Variants in PAIP1 observed in about 807,000 individuals in gnomAD.
PAIP1 encodes the protein poly(A) binding protein interacting protein 1, also known as polyadenylate-binding protein-interacting protein 1.
Under a neutral mutation model 61.3 loss-of-function variants are expected in PAIP1, and 16 were observed. The ratio of observed to expected loss-of-function variants is 0.26; its 90% confidence interval spans 0.18 to 0.40. The LOEUF (loss-of-function observed/expected upper bound fraction) is 0.40, where lower values mean the gene tolerates loss of function less well. Ranked by LOEUF, PAIP1 falls within the 10% of genes least tolerant of loss-of-function variation. PAIP1 has a pLI of 1.00. For missense variants in PAIP1, 416 were observed against 600.9 expected (o/e 0.69, Z 3.22); for synonymous variants, 187 against 226.2 (o/e 0.83, Z 1.56).
In PAIP1 at chr5:43,556,825, C is replaced by T. The variant is rs1048625328; in HGVS notation, c.22G>A (p.Ala8Thr). The T allele has an allele frequency of 2.5e-5, 37 of 1,452,930 alleles. No individual in the cohort carries two copies. Among genetic ancestry groups the T allele is most frequent in the Non-Finnish European group, 3.1e-5 (34 of 1,105,130 alleles). The allele number at this position is 1,452,930 out of a possible 1,614,324, so 90.0% of individuals were successfully genotyped here. A position where few individuals can be genotyped will look rare whatever the true frequency, so the allele number is the denominator to read the frequency against. Reference protein sequence around the residue: MSDGFDRAPGAGRGRSRG... With the variant: MSDGFDRTPGAGRGRSRG... ...CTCCGGCCCCGACCAGCACCTGGGGCCCGATCGAAACCGTCCGACATGCTC... is the reference window on the plus strand; with the variant it reads ...CTCCGGCCCCGACCAGCACCTGGGGTCCGATCGAAACCGTCCGACATGCTC... The change falls in exon 1 of 11, where the codon GCC (alanine) becomes ACC (threonine). Residue 8 changes from alanine (A) to threonine (T), a missense_variant. Transcript: ENST00000306846.
intron 5 of PAIP1, among the ~76,000 whole-genome samples, chr5:43,538,529 T>A (rs1747249342): frequency 6.6e-6 from 1 of 152,184 alleles, no homozygotes; most frequent in Non-Finnish European, 1.5e-5. Context: ...GACTCTAGTC[T>A]CTCTTTTCAC....
Position 43,547,727 on chromosome 5 carries a change from C to T in PAIP1, c.621+1G>A. 6.3e-7 allele frequency: 1 copy of T among 1,597,342 alleles called. No homozygotes were observed. The highest frequency in any genetic ancestry group is 8.6e-7 in the Non-Finnish European group (1 of 1,169,250). Reference sequence around the variant, plus strand: ...TCACTGCATGCTATAAGCCAACATACCTGTTGATAGATGAGTTCCACAAGT... The same window carrying T: ...TCACTGCATGCTATAAGCCAACATATCTGTTGATAGATGAGTTCCACAAGT... On this transcript the variant is annotated splice_donor_variant, in intron 3 of 10. Transcript: ENST00000306846. LOFTEE classifies it high-confidence loss of function.
intron 2 of PAIP1, among the ~76,000 whole-genome samples, chr5:43,550,440 A>C (rs1747818153): frequency 6.6e-6 from 1 of 152,174 alleles, no homozygotes; most frequent in South Asian, 2.1e-4. Context: ...TAAAGGGACT[A>C]AAGTATAAAA....
chr5:43,550,239 T>C (rs563145327), intron 2 of PAIP1, among the ~76,000 whole-genome samples: 1 of 152,300 alleles, frequency 6.6e-6, no homozygotes, highest in South Asian at 2.1e-4. Flanking sequence ...GAGGTATTAA[T>C]GTTGATGCAT....
At chr5:43,556,460 G>C in intron 1 of PAIP1, 122 bp downstream of exon 1, 1 of 1,205,600 alleles carries the variant, frequency 8.3e-7, no homozygotes, top group Non-Finnish European at 1.0e-6. Context: ...GGCCCTCTCG[G>C]GGAATGCTTT....
chr5:43,548,307 C>T (rs71629180), intron 2 of PAIP1, among the ~76,000 whole-genome samples: 2,119 of 152,032 alleles, frequency 0.014, 58 homozygotes, highest in East Asian at 0.13. Context: ...AAAACAAGAA[C>T]GGCCACATGT....
At chr5:43,557,186 C>T (rs976989441), upstream of PAIP1, 1 of 218,168 alleles carries the variant, frequency 4.6e-6, no homozygotes, top group Non-Finnish European at 8.8e-6. Flanking sequence ...GAGGATCCTC[C>T]AGTTCGCGGC....
chr5:43,534,435 G>C (rs772781241), intron 8 of PAIP1, among the ~76,000 whole-genome samples: 4 of 152,200 alleles, frequency 2.6e-5, no homozygotes, highest in Non-Finnish European at 4.4e-5. Context: ...CTGACCTCAG[G>C]TGATCTGCCC....
rs1157566806 is a variant in PAIP1 at position 43,556,984 on chromosome 5, G to A, written c.-138C>T. The A allele has an allele frequency of 3.2e-6, 4 of 1,235,278 alleles. No homozygotes were observed. Among genetic ancestry groups the A allele is most frequent in the East Asian group, 3.2e-5 (1 of 30,986 alleles). The allele number at this position is 1,235,278 out of a possible 1,614,324, so 76.5% of individuals were successfully genotyped here. On this transcript the variant is annotated 5_prime_UTR_variant, in exon 1 of 11. Transcript: ENST00000306846. Reference sequence around the variant, plus strand: ...ATGGAGGAGGAGGGCGGCGGGCCCCGGCTCGGCTGCTCGGTGCTTCTGGCG... The same window carrying A: ...ATGGAGGAGGAGGGCGGCGGGCCCCAGCTCGGCTGCTCGGTGCTTCTGGCG...
At chr5:43,557,080 T>A, upstream of PAIP1, 1 of 743,744 alleles carries the variant, frequency 1.3e-6, no homozygotes, top group Non-Finnish European at 1.8e-6. Flanking sequence ...GGCTTTCCAG[T>A]TCTCCCCCAA....
intron 3 of PAIP1, among the ~76,000 whole-genome samples, chr5:43,545,893 C>G (rs1579922436): frequency 6.6e-6 from 1 of 152,124 alleles, no homozygotes; most frequent in East Asian, 1.9e-4. Context: ...CCTCAGCCTC[C>G]CGAGTAGCTG....
chr5:43,535,427 T>TA, intron 7 of PAIP1, 107 bp downstream of exon 7: 1 of 686,054 alleles, frequency 1.5e-6, no homozygotes, highest in Non-Finnish European at 2.6e-6. Flanking sequence ...TGTATATCCG[T>TA]TAGCCATCAA....
At chr5:43,529,479 C>A in intron 10 of PAIP1, among the ~76,000 whole-genome samples, 1 of 152,038 alleles carries the variant, frequency 6.6e-6, no homozygotes, top group East Asian at 1.9e-4. Flanking sequence ...TCTCGGCTCA[C>A]TGCAACCTCT....
chr5:43,546,283 A>G (rs562550310), intron 3 of PAIP1, among the ~76,000 whole-genome samples: 2 of 152,374 alleles, frequency 1.3e-5, no homozygotes, highest in South Asian at 4.1e-4. Context: ...AGCCCTGAAT[A>G]AGTATAATTA....
intron 9 of PAIP1, among the ~76,000 whole-genome samples, chr5:43,532,283 A>G (rs555165560): frequency 1.7e-4 from 26 of 152,314 alleles, no homozygotes; most frequent in African/African-American, 6.3e-4. Flanking sequence ...CAAGATTCAC[A>G]GTAAGGTAAA....
intron 2 of PAIP1, among the ~76,000 whole-genome samples, chr5:43,550,894 T>C (rs1038214355): frequency 2.0e-5 from 2 of 99,064 alleles, no homozygotes; most frequent in Non-Finnish European, 4.2e-5. Context: ...AGAGTTAATA[T>C]ATAAACTAAG....
At chr5:43,543,667 G>A (rs1747511168) in intron 3 of PAIP1, among the ~76,000 whole-genome samples, 1 of 151,460 alleles carries the variant, frequency 6.6e-6, no homozygotes. Flanking sequence ...TTGGGTAAAG[G>A]GGAAATGAAA....
intron 10 of PAIP1, among the ~76,000 whole-genome samples, chr5:43,529,420 T>C (rs1360217465): frequency 6.6e-6 from 1 of 152,198 alleles, no homozygotes; most frequent in Non-Finnish European, 1.5e-5. Context: ...TTTTTTTTTT[T>C]TGAGACAGAA....
chr5:43,540,559 T>G (rs897031234), intron 4 of PAIP1, among the ~76,000 whole-genome samples: 1 of 152,194 alleles, frequency 6.6e-6, no homozygotes, highest in African/African-American at 2.4e-5. Flanking sequence ...AGAAAAAGTA[T>G]AAAGAACAAA....
Sources: gnomAD v4.1 joint callset for allele counts (sites outside exome capture counted in the v4.1 genomes callset) on GRCh38, gnomAD v4.1.1 for gene constraint, MANE v1.5 for transcripts, NCBI Gene and HGNC (gene_info 2026-07-23, HGNC 2026-07-21) for gene names.